The following ANKRD45 variants were observed in gnomAD, a reference collection of about 807,000 sequenced individuals.
ANKRD45 encodes ankyrin repeat domain-containing protein 45.
In ANKRD45, 21 loss-of-function variants were observed where a neutral mutation model predicts 28.1. That is an observed-to-expected ratio of 0.75 (90% CI 0.53 to 1.08). The LOEUF (loss-of-function observed/expected upper bound fraction) is 1.08. Among genes scored for constraint, ANKRD45 ranks in the 50% least tolerant of loss-of-function variants. The pLI is 0.00. For missense variants in ANKRD45, 261 were observed against 308.7 expected, an observed-to-expected ratio of 0.85 and a Z score of 1.16; for synonymous variants, 86 against 103.9, an observed-to-expected ratio of 0.83 and a Z score of 1.05.
the ANKRD45 span, among the ~76,000 whole-genome samples, chr1:173,690,072 C>G: frequency 8.0e-5 from 9 of 112,392 alleles, no homozygotes; most frequent in African/African-American, 1.2e-4. Flanking sequence ...GCCCCCCCCC[C>G]CCCCGACCTC....
chr1:173,681,988 A>G, the ANKRD45 span, among the ~76,000 whole-genome samples: 2 of 151,546 alleles, frequency 1.3e-5, no homozygotes, highest in Non-Finnish European at 2.9e-5. Context: ...AAGCAGAGAT[A>G]GTAGTGAGCC....
chr1:173,706,220 T>C, the ANKRD45 span, among the ~76,000 whole-genome samples: 1 of 146,600 alleles, frequency 6.8e-6, no homozygotes, highest in Non-Finnish European at 1.5e-5. Context: ...GAGAATTGCT[T>C]GAACCTGGGT....
At chr1:173,648,619 G>A (rs1669038734) in intron 2 of ANKRD45, among the ~76,000 whole-genome samples, 1 of 152,052 alleles carries the variant, frequency 6.6e-6, no homozygotes. Context: ...TCTAAATAAG[G>A]TTTCATGATG....
At chr1:173,688,669 CCTCTCT>C in the ANKRD45 span, among the ~76,000 whole-genome samples, 6 of 140,906 alleles carry the variant, frequency 4.3e-5, no homozygotes, top group African/African-American at 1.8e-4. Context: ...CTGCCTCTTT[CCTCTCT>C]CTCTTTCTGC....
Position 173,649,638 on chromosome 1 carries a change from G to A in ANKRD45, c.329-2625C>T, listed in dbSNP as rs186334425. On this transcript the variant is annotated intron_variant, in intron 2 of 5. Coordinates refer to ENST00000333279, the MANE Select transcript of ANKRD45 (RefSeq NM_198493.3). Reference sequence around the variant, plus strand: ...TTTTGTTTATGATATCTTTTATGCAGAGTTTAAAATTTAGGTAGATAGACA... The same window carrying A: ...TTTTGTTTATGATATCTTTTATGCAAAGTTTAAAATTTAGGTAGATAGACA... 2.0e-4 allele frequency among the ~76,000 whole-genome samples: 30 copies of A among 152,218 alleles called. 1 individual carries two copies. Among genetic ancestry groups the A allele is most frequent in the African/African-American group, 7.0e-4 (29 of 41,562 alleles).
intron 2 of ANKRD45, among the ~76,000 whole-genome samples, chr1:173,655,600 C>T (rs560903523): frequency 9.2e-5 from 14 of 152,344 alleles, no homozygotes; most frequent in Admixed American, 2.6e-4. Flanking sequence ...TCTCAGAGCT[C>T]AGACGCCATG....
the ANKRD45 span, among the ~76,000 whole-genome samples, chr1:173,704,388 T>C: frequency 6.6e-6 from 1 of 152,258 alleles, no homozygotes; most frequent in African/African-American, 2.4e-5. Flanking sequence ...TGCTTTCCAG[T>C]TGCAGATAAG....
At chr1:173,685,446 C>G in the ANKRD45 span, among the ~76,000 whole-genome samples, 2 of 152,198 alleles carry the variant, frequency 1.3e-5, 1 homozygote, top group Non-Finnish European at 2.9e-5. Flanking sequence ...CCATAAAGCC[C>G]ATGCCTGGTC....
At chr1:173,692,300 T>C in the ANKRD45 span, among the ~76,000 whole-genome samples, 2 of 152,196 alleles carry the variant, frequency 1.3e-5, no homozygotes, top group South Asian at 4.1e-4. Context: ...CATGAGACAT[T>C]AATCAACATA....
intron 2 of ANKRD45, 91 bp from the exon 3 acceptor site, chr1:173,647,104 T>TCATAATGG (rs1668972110): frequency 7.8e-7 from 1 of 1,279,268 alleles, no homozygotes; most frequent in South Asian, 1.5e-5. Flanking sequence ...TGATCAAGTA[T>TCATAATGG]TGAACAATTA....
chr1:173,654,428 ACT>A (rs1321667879), intron 2 of ANKRD45, among the ~76,000 whole-genome samples: 2 of 151,988 alleles, frequency 1.3e-5, no homozygotes, highest in African/African-American at 4.8e-5. Flanking sequence ...ATTGGCCCCC[ACT>A]CTCTACTGGC....
At chr1:173,669,774 A>T in intron 1 of ANKRD45, 43 bp downstream of exon 1, 1 of 224,336 alleles carries the variant, frequency 4.5e-6, no homozygotes, top group Non-Finnish European at 1.0e-5. Context: ...ACTCCTCCCC[A>T]AGTGCCCACC....
intron 2 of ANKRD45, among the ~76,000 whole-genome samples, chr1:173,653,469 G>T (rs1669339596): frequency 6.6e-6 from 1 of 152,170 alleles, no homozygotes; most frequent in African/African-American, 2.4e-5. Flanking sequence ...GAGATAGTTT[G>T]CTGTGATTTT....
chr1:173,675,976 C>G, the ANKRD45 span, among the ~76,000 whole-genome samples: 3 of 152,220 alleles, frequency 2.0e-5, no homozygotes, highest in Non-Finnish European at 4.4e-5. Context: ...GTGAATTCCT[C>G]TCCTCTCAAT....
At chr1:173,646,809 A>G (rs1668953773) in intron 3 of ANKRD45, 37 bp downstream of exon 3, 3 of 1,597,908 alleles carry the variant, frequency 1.9e-6, no homozygotes, top group Non-Finnish European at 2.6e-6. Context: ...AACTCATCAC[A>G]TCAGTCAGTT....
chr1:173,664,086 T>C (rs1669905131), intron 1 of ANKRD45, among the ~76,000 whole-genome samples: 2 of 152,182 alleles, frequency 1.3e-5, no homozygotes, highest in Non-Finnish European at 2.9e-5. Flanking sequence ...CCACAGTGTG[T>C]AAAAACATGA....
At chr1:173,669,665 C>T (rs1344026278) in intron 1 of ANKRD45, among the ~76,000 whole-genome samples, 152 bp downstream of exon 1, 2 of 152,182 alleles carry the variant, frequency 1.3e-5, no homozygotes, top group African/African-American at 4.8e-5. Flanking sequence ...GTGCGCAAAG[C>T]TCTGGACAGA....
intron 3 of ANKRD45, among the ~76,000 whole-genome samples, chr1:173,632,185 A>G (rs1208143788): frequency 2.0e-5 from 3 of 152,018 alleles, no homozygotes; most frequent in African/African-American, 7.2e-5. Context: ...GAAATTCAAA[A>G]GATCATTAGA....
At chr1:173,624,354 A>T (rs2102324632) in intron 5 of ANKRD45, among the ~76,000 whole-genome samples, 1 of 152,118 alleles carries the variant, frequency 6.6e-6, no homozygotes, top group East Asian at 1.9e-4. Flanking sequence ...TTGGCCAAGC[A>T]TGGTAATGCC....
Sources: allele counts gnomAD v4.1 joint callset (sites outside exome capture counted in the v4.1 genomes callset), GRCh38; gene constraint gnomAD v4.1.1; transcripts MANE v1.5; gene names NCBI Gene and HGNC (gene_info 2026-07-23, HGNC 2026-07-21).